The following NALCN variants were observed in gnomAD, a reference collection of about 807,000 sequenced individuals.
The protein encoded by NALCN is sodium leak channel NALCN.
In NALCN, 111 loss-of-function variants were observed where a neutral mutation model predicts 225.3. That is an observed-to-expected ratio of 0.49 (90% CI 0.42 to 0.58). The LOEUF (loss-of-function observed/expected upper bound fraction) is 0.58. NALCN is among the 20% of genes least tolerant of loss of function. The pLI, the probability that NALCN is intolerant of heterozygous loss-of-function variation, is 0.00. For missense variants in NALCN, 1,378 were observed against 2,202.4 expected, an observed-to-expected ratio of 0.63 and a Z score of 7.49; for synonymous variants, 764 against 769.0, an observed-to-expected ratio of 0.99 and a Z score of 0.11.
intron 10 of NALCN, 112 bp from the exon 11 acceptor site, chr13:101,258,686 A>G: frequency 7.0e-7 from 1 of 1,437,902 alleles, no homozygotes; most frequent in Middle Eastern, 1.9e-4. Flanking sequence ...TATGCAAAAC[A>G]GGGCTTCCAA....
chr13:101,127,608 T>A (rs1274815583), intron 17 of NALCN, among the ~76,000 whole-genome samples: 7 of 152,150 alleles, frequency 4.6e-5, no homozygotes. Context: ...TCCACCGACC[T>A]TGGCCTCCCA....
chr13:101,382,063 A>G (rs1272162400), intron 3 of NALCN, among the ~76,000 whole-genome samples: 1 of 152,188 alleles, frequency 6.6e-6, no homozygotes, highest in Non-Finnish European at 1.5e-5. Context: ...GCACCCAAAT[A>G]GGATGAATTT....
Position 101,110,690 on chromosome 13 carries a change from TA to T in NALCN, c.2295-3del, listed in dbSNP as rs2035380778. ...CTGTTTGATCCATGTCTTAGTGACC[TA>T]AAACAACCACAGGCACTGGTTAATA... On this transcript the variant is annotated splice_region_variant and splice_polypyrimidine_tract_variant and intron_variant, in intron 19 of 43. Transcript: ENST00000251127. The T allele has an allele frequency of 6.2e-7, 1 of 1,614,038 alleles. No individual in the cohort carries two copies. Among genetic ancestry groups the T allele is most frequent in the African/African-American group, 1.3e-5 (1 of 75,070 alleles).
chr13:101,092,915 T>C (rs970795356), intron 28 of NALCN, among the ~76,000 whole-genome samples: 1 of 152,172 alleles, frequency 6.6e-6, no homozygotes, highest in Non-Finnish European at 1.5e-5. Flanking sequence ...GCATATTATA[T>C]AAAATTATTT....
At chr13:101,098,116 T>C (rs2034613889) in intron 27 of NALCN, among the ~76,000 whole-genome samples, 1 of 152,098 alleles carries the variant, frequency 6.6e-6, no homozygotes. Flanking sequence ...CGTGTCCTTC[T>C]TCACTGCTTG....
At position 101,275,924 on chromosome 13, in the gene NALCN, C is replaced by T. The variant is rs548145336; in HGVS notation, c.1134+8009G>A. On this transcript the variant is annotated intron_variant, in intron 10 of 43. Transcript: ENST00000251127. ...ACTAAAATACAAAAAATTAGCTGGG[C>T]ATGGTGGCGGGCGCCTGTAGTCTCA... is the stretch of plus-strand genomic sequence containing the variant. Among the ~76,000 whole-genome samples, 24 of 151,936 alleles carry T rather than the reference C, an allele frequency of 1.6e-4. No individual in the cohort carries two copies. In the South Asian group the frequency reaches 4.6e-3, roughly 29 times the overall value.
At chr13:101,116,896 G>A (rs2035742976) in intron 18 of NALCN, 2 of 497,970 alleles carry the variant, frequency 4.0e-6, no homozygotes, top group African/African-American at 3.9e-5. Flanking sequence ...TAGATAATGA[G>A]TATTTCCTGG....
intron 6 of NALCN, among the ~76,000 whole-genome samples, chr13:101,369,303 A>T (rs1346499213): frequency 6.6e-6 from 1 of 151,950 alleles, no homozygotes; most frequent in Non-Finnish European, 1.5e-5. Context: ...ACATTTATGA[A>T]ATTTTTCATG....
At chr13:101,344,442 G>T (rs1330112687) in intron 7 of NALCN, among the ~76,000 whole-genome samples, 2 of 152,074 alleles carry the variant, frequency 1.3e-5, no homozygotes, top group African/African-American at 4.8e-5. Flanking sequence ...ATCAGCCCAC[G>T]TTCAGTACTA....
chr13:101,158,115 A>G (rs1045526172), intron 15 of NALCN, among the ~76,000 whole-genome samples: 2 of 151,878 alleles, frequency 1.3e-5, no homozygotes, highest in African/African-American at 4.8e-5. Flanking sequence ...CAGAGTGGAG[A>G]GTTAGGAGCA....
chr13:101,088,668 A>G (rs1450872940), intron 30 of NALCN, among the ~76,000 whole-genome samples: 1 of 152,198 alleles, frequency 6.6e-6, no homozygotes, highest in Admixed American at 6.5e-5. Flanking sequence ...ATGATTCCAA[A>G]GACTGCGTCT....
At chr13:101,404,004 T>G (rs80331216) in intron 1 of NALCN, among the ~76,000 whole-genome samples, 1 of 152,240 alleles carries the variant, frequency 6.6e-6, no homozygotes, top group African/African-American at 2.4e-5. Flanking sequence ...TTGACTATCC[T>G]GACCATTTTG....
chr13:101,323,485 T>C (rs1371808314), intron 7 of NALCN, among the ~76,000 whole-genome samples: 1 of 152,216 alleles, frequency 6.6e-6, no homozygotes, highest in Admixed American at 6.5e-5. Flanking sequence ...TTTCCACAGG[T>C]CCCCTGCTAT....
At chr13:101,305,076 G>GA (rs2139116772) in intron 7 of NALCN, among the ~76,000 whole-genome samples, 1 of 152,182 alleles carries the variant, frequency 6.6e-6, no homozygotes, top group Admixed American at 6.5e-5. Flanking sequence ...AATTTTTAAA[G>GA]AAAAAATTAT....
intron 10 of NALCN, among the ~76,000 whole-genome samples, chr13:101,262,688 C>T (rs912335333): frequency 2.6e-5 from 4 of 152,076 alleles, no homozygotes; most frequent in African/African-American, 9.7e-5. Flanking sequence ...CAAGAACTGC[C>T]TCTTCTGAGC....
Position 101,074,657 on chromosome 13 carries a change from C to T in NALCN, c.3960G>A (p.Thr1320=), listed in dbSNP as rs199629504. ...RFFSICGKHV[T]LKMLLLTVVV... ...CCACTGTCAAGAGGAGCATCTTTAG[C>T]GTTACCTGGGGACCAGGGGTGGGAA... is the stretch of plus-strand genomic sequence containing the variant. Residue 1320 remains threonine, a synonymous_variant, in exon 36 of 44, where the codon ACG becomes ACA. Transcript: ENST00000251127. 277 of 1,599,450 alleles carry T rather than the reference C, an allele frequency of 1.7e-4. 1 individual carries two copies. The highest frequency in any genetic ancestry group is 1.1e-4 in the African/African-American group (8 of 74,008).
rs985108237 is a variant in NALCN, at chr13:101,160,472, C to T, written c.1840-15576G>A. 4.6e-4 allele frequency among the ~76,000 whole-genome samples: 70 copies of T among 152,126 alleles called. 1 individual carries two copies. The highest frequency in any genetic ancestry group is 1.6e-3 in the African/African-American group (67 of 41,436). ...ATACTCCCTCAGGACCCTACAATGG[C>T]ACTCACATCTGCTTCCTCCTGAATG... On this transcript the variant is annotated intron_variant, in intron 15 of 43. Coordinates refer to ENST00000251127, the MANE Select transcript of NALCN (RefSeq NM_052867.4).
intron 3 of NALCN, among the ~76,000 whole-genome samples, chr13:101,379,373 C>G (rs1388238440): frequency 6.6e-6 from 1 of 152,096 alleles, no homozygotes; most frequent in East Asian, 1.9e-4. Flanking sequence ...TGGATATATA[C>G]CCAAAGGATT....
intron 11 of NALCN, among the ~76,000 whole-genome samples, chr13:101,257,240 G>C (rs2042267511): frequency 8.0e-6 from 1 of 124,836 alleles, no homozygotes; most frequent in Non-Finnish European, 1.6e-5. Context: ...TAGATTGTAA[G>C]CTCCATATAC....
Sources: gnomAD v4.1 joint callset for allele counts (sites outside exome capture counted in the v4.1 genomes callset) on GRCh38, gnomAD v4.1.1 for gene constraint, MANE v1.5 for transcripts, NCBI Gene and HGNC (gene_info 2026-07-23, HGNC 2026-07-21) for gene names.